CHD9: variants seen among roughly 807,000 people sequenced by gnomAD.
CHD9 encodes the protein chromodomain helicase DNA binding protein 9, also known as ATP-dependent chromatin remodeler CHD9.
Under a neutral mutation model 316.1 loss-of-function variants are expected in CHD9, and 77 were observed. The ratio of observed to expected loss-of-function variants is 0.24; its 90% CI spans 0.20 to 0.29. The LOEUF (loss-of-function observed/expected upper bound fraction) is 0.29. Among genes scored for constraint, CHD9 ranks in the 10% least tolerant of loss-of-function variants. The pLI is 1.00. For synonymous variants in CHD9, 1,129 were observed against 1,158.3 expected (o/e 0.97, Z 0.51); for missense variants, 2,763 against 3,438.1 (o/e 0.80, Z 4.91).
At chr16:53,107,605 C>G (rs2037473667) in intron 1 of CHD9, among the ~76,000 whole-genome samples, 1 of 151,794 alleles carries the variant, frequency 6.6e-6, no homozygotes, top group African/African-American at 2.4e-5. Context: ...ATCATTTGAG[C>G]CCAGGAGGTG....
chr16:53,100,759 C>G (rs759599814), intron 1 of CHD9, among the ~76,000 whole-genome samples: 7 of 152,174 alleles, frequency 4.6e-5, no homozygotes, highest in Admixed American at 4.6e-4. Flanking sequence ...AGCTGCCACC[C>G]CCAGCTTGAG....
At chr16:53,283,264 A>C (rs1053172091) in intron 24 of CHD9, among the ~76,000 whole-genome samples, 3 of 152,126 alleles carry the variant, frequency 2.0e-5, no homozygotes, top group African/African-American at 7.2e-5. Flanking sequence ...TGACTATCTT[A>C]ATTTATTATT....
At position 53,244,800 on chromosome 16, in the gene CHD9, T is replaced by A. The variant is rs2049426963; in HGVS notation, c.3055-536T>A. ...ATTGGGAAAGTACATTCCTAAAGAT[T>A]TGTGGGTAGAGATGTAGTTTTTTGA... On this transcript the variant is annotated intron_variant, in intron 13 of 38. Transcript: ENST00000447540. 1.6e-4 allele frequency among the ~76,000 whole-genome samples: 24 copies of A among 152,220 alleles called. 2 individuals carry two copies. The South Asian group carries it at 5.0e-3, about 32-fold the overall frequency.
intron 10 of CHD9, among the ~76,000 whole-genome samples, chr16:53,233,411 C>A (rs1026400903): frequency 1.3e-5 from 2 of 152,178 alleles, no homozygotes; most frequent in African/African-American, 2.4e-5. Context: ...GTTTGCCATT[C>A]TCCTGGCATG....
At chr16:53,264,672 G>A (rs1000528651) in intron 20 of CHD9, among the ~76,000 whole-genome samples, 8 of 152,172 alleles carry the variant, frequency 5.3e-5, no homozygotes, top group African/African-American at 1.7e-4. Flanking sequence ...TGCTGGAGAA[G>A]TAGAATTAGA....
At chr16:53,160,845 T>G (rs1260144681) in intron 2 of CHD9, among the ~76,000 whole-genome samples, 1 of 152,168 alleles carries the variant, frequency 6.6e-6, no homozygotes, top group East Asian at 1.9e-4. Context: ...AGGCTGAGGT[T>G]GTGATGAGCC....
chr16:53,067,906 A>T (rs2033668992), intron 1 of CHD9, among the ~76,000 whole-genome samples: 1 of 152,118 alleles, frequency 6.6e-6, no homozygotes, highest in Non-Finnish European at 1.5e-5. Context: ...ACAGGAAAAA[A>T]AAATTAGCTG....
chr16:53,272,162 G>A (rs949066993), intron 22 of CHD9, among the ~76,000 whole-genome samples: 6 of 151,880 alleles, frequency 4.0e-5, no homozygotes, highest in Admixed American at 6.6e-5. Flanking sequence ...ACTACACCAT[G>A]CGACTACTAA....
chr16:53,300,128 C>T (rs1247690355), intron 30 of CHD9, among the ~76,000 whole-genome samples: 4 of 152,018 alleles, frequency 2.6e-5, no homozygotes, highest in South Asian at 2.1e-4. Context: ...CCGAGGCAGG[C>T]GGATCACAAG....
chr16:53,155,285 C>T (rs1283580507), intron 1 of CHD9, among the ~76,000 whole-genome samples: 1 of 151,898 alleles, frequency 6.6e-6, no homozygotes, highest in Non-Finnish European at 1.5e-5. Flanking sequence ...TGCAGTGGCA[C>T]AATTATGGCT....
rs1162715827 is a variant in CHD9 at position 53,101,327 on chromosome 16, T to G, written c.-165+46250T>G. ...TCTCACTCTTTTACCCAAGCTGGAG[T>G]GCATCGGTGCAATCACAGCTCACTG... is the stretch of plus-strand genomic sequence containing the variant. On this transcript the variant is annotated intron_variant, in intron 1 of 38. Transcript: ENST00000447540. Among the ~76,000 whole-genome samples the G allele has an allele frequency of 4.4e-4, 64 of 146,982 alleles. No homozygotes were observed. In the Admixed American group the frequency reaches 4.6e-3, roughly 10 times the overall value.
At chr16:53,278,076 A>G (rs534211342) in intron 24 of CHD9, among the ~76,000 whole-genome samples, 10 of 152,280 alleles carry the variant, frequency 6.6e-5, no homozygotes, top group Admixed American at 1.3e-4. Context: ...TCTACAAGGA[A>G]AACTACAAAA....
intron 10 of CHD9, 111 bp downstream of exon 10, chr16:53,231,895 G>T (rs1189040688): frequency 5.8e-6 from 6 of 1,033,142 alleles, no homozygotes; most frequent in Non-Finnish European, 8.2e-6. Flanking sequence ...AAACAGGCTT[G>T]TTACTATGTG....
chr16:53,273,911 T>C (rs997845760), intron 23 of CHD9, 126 bp downstream of exon 23: 4 of 854,390 alleles, frequency 4.7e-6, no homozygotes, highest in Non-Finnish European at 7.3e-6. Flanking sequence ...TAATCCTAAT[T>C]TTACAAGGTA....
chr16:53,268,194 T>C, intron 22 of CHD9, 68 bp downstream of exon 22: 2 of 1,047,070 alleles, frequency 1.9e-6, no homozygotes, highest in Non-Finnish European at 2.7e-6. Flanking sequence ...TAACATATTC[T>C]CCTATAAAAT....
chr16:53,192,401 T>C (rs941746904), intron 2 of CHD9, among the ~76,000 whole-genome samples: 10 of 152,214 alleles, frequency 6.6e-5, no homozygotes, highest in African/African-American at 2.4e-4. Flanking sequence ...AATATCAAGA[T>C]ATTAACCTAG....
chr16:53,197,973 G>A (rs2045083522), intron 2 of CHD9, among the ~76,000 whole-genome samples: 1 of 151,738 alleles, frequency 6.6e-6, no homozygotes, highest in Admixed American at 6.6e-5. Flanking sequence ...AGCATTTTTG[G>A]TTTGAACTCT....
chr16:53,157,098 T>C lies in CHD9; in HGVS notation c.1009T>C (p.Phe337Leu). Residue 337 changes from phenylalanine to leucine, a missense_variant, in exon 2 of 39, where the codon TTC (phenylalanine) becomes CTC (leucine). Around this residue, in one of 15 missense-constraint regions of CHD9, gnomAD observed 859 missense variants for 890.4 expected, o/e 0.96. Coordinates refer to ENST00000447540, the MANE Select transcript of CHD9 (RefSeq NM_001308319.2). Reference protein sequence around the residue: ...NPNTSLNSNNFQILHSSHPQG... With the variant: ...NPNTSLNSNNLQILHSSHPQG... The stretch of plus-strand genomic sequence containing the variant: ...CAATACATCATTGAATTCAAATAAT[T>C]TCCAAATATTGCATTCATCACATCC... The C allele has an allele frequency of 6.2e-7, 1 of 1,611,950 alleles. No homozygotes were observed. Among genetic ancestry groups the C allele is most frequent in the Non-Finnish European group, 8.5e-7 (1 of 1,178,658 alleles).
chr16:53,165,296 T>C (rs1567407604), intron 2 of CHD9, among the ~76,000 whole-genome samples: 1 of 152,180 alleles, frequency 6.6e-6, no homozygotes, highest in Non-Finnish European at 1.5e-5. Context: ...ATATTGCCTA[T>C]TTAGCTCCTG....
Sources: gnomAD v4.1 joint callset for allele counts (sites outside exome capture counted in the v4.1 genomes callset) on GRCh38, gnomAD v4.1.1 for gene constraint, gnomAD v4.1.1 regional missense constraint, MANE v1.5 for transcripts, NCBI Gene and HGNC (gene_info 2026-07-23, HGNC 2026-07-21) for gene names.